The following GALNTL6 variants were observed in gnomAD, a reference collection of about 807,000 sequenced individuals.
GALNTL6 encodes polypeptide N-acetylgalactosaminyltransferase like 6, also known as polypeptide N-acetylgalactosaminyltransferase-like 6.
A neutral mutation model predicts 73.7 loss-of-function variants in GALNTL6; 46 were observed. The ratio of observed to expected loss-of-function variants is 0.62; its 90% confidence interval spans 0.49 to 0.80. The LOEUF (loss-of-function observed/expected upper bound fraction) is 0.80. GALNTL6 is among the 30% of genes least tolerant of loss of function. GALNTL6 has a pLI of 0.00. For synonymous variants in GALNTL6, 259 were observed against 263.7 expected, an observed-to-expected ratio of 0.98 and a Z score of 0.17; for missense variants, 604 against 755.0, an observed-to-expected ratio of 0.80 and a Z score of 2.34.
chr4:172,550,907 C>T (rs1324554050), intron 5 of GALNTL6, among the ~76,000 whole-genome samples: 1 of 152,182 alleles, frequency 6.6e-6, no homozygotes, highest in Non-Finnish European at 1.5e-5. Context: ...AAAAAGACTA[C>T]AGTCTGAGCC....
intron 3 of GALNTL6, among the ~76,000 whole-genome samples, chr4:172,265,422 G>C (rs1738416971): frequency 6.6e-6 from 1 of 151,988 alleles, no homozygotes; most frequent in Admixed American, 6.6e-5. Context: ...AAAAATGAAA[G>C]ACTAGACAAA....
At chr4:172,690,384 T>G (rs1333061568) in intron 5 of GALNTL6, among the ~76,000 whole-genome samples, 1 of 152,218 alleles carries the variant, frequency 6.6e-6, no homozygotes, top group African/African-American at 2.4e-5. Context: ...GTACCTCTTA[T>G]ATTTATCACA....
chr4:172,216,371 C>T (rs1736498839), intron 2 of GALNTL6, among the ~76,000 whole-genome samples: 1 of 151,340 alleles, frequency 6.6e-6, no homozygotes, highest in Admixed American at 6.6e-5. Context: ...TCATTCCAAA[C>T]TCTTTTTACT....
At chr4:172,644,162 G>A (rs940985201) in intron 5 of GALNTL6, among the ~76,000 whole-genome samples, 3 of 151,758 alleles carry the variant, frequency 2.0e-5, no homozygotes, top group Non-Finnish European at 4.4e-5. Context: ...ACAGTAAAAT[G>A]CACACATCTT....
At chr4:172,333,555 C>G (rs968322256) in intron 4 of GALNTL6, among the ~76,000 whole-genome samples, 1 of 152,182 alleles carries the variant, frequency 6.6e-6, no homozygotes, top group African/African-American at 2.4e-5. Context: ...GATGAACAGT[C>G]TGCAAATAAT....
intron 5 of GALNTL6, among the ~76,000 whole-genome samples, chr4:172,756,623 G>C (rs1323719013): frequency 6.6e-6 from 1 of 151,956 alleles, no homozygotes; most frequent in East Asian, 1.9e-4. Context: ...CTACAGCCCG[G>C]CAACAGCGTG....
At chr4:172,287,455 G>C (rs373719741) in intron 3 of GALNTL6, among the ~76,000 whole-genome samples, 1 of 152,114 alleles carries the variant, frequency 6.6e-6, no homozygotes, top group East Asian at 1.9e-4. Flanking sequence ...AATAGACACT[G>C]TTTTATTTAT....
intron 3 of GALNTL6, among the ~76,000 whole-genome samples, chr4:172,302,075 C>T (rs1739951667): frequency 6.6e-6 from 1 of 152,214 alleles, no homozygotes; most frequent in South Asian, 2.1e-4. Context: ...ATGGCGGGCA[C>T]CCCTTCCCCA....
chr4:172,541,776 G>C (rs1251078947), intron 5 of GALNTL6, among the ~76,000 whole-genome samples: 2 of 152,130 alleles, frequency 1.3e-5, no homozygotes, highest in African/African-American at 2.4e-5. Flanking sequence ...GCTCACTTGA[G>C]GCATTCTTCC....
chr4:172,477,938 A>AT (rs909983653), intron 5 of GALNTL6, among the ~76,000 whole-genome samples: 4 of 152,182 alleles, frequency 2.6e-5, no homozygotes, highest in Admixed American at 1.3e-4. Context: ...CTTCTGCATT[A>AT]TTTTTTCTAT....
chr4:171,843,164 T>C (rs989412634), intron 2 of GALNTL6, among the ~76,000 whole-genome samples: 1 of 152,160 alleles, frequency 6.6e-6, no homozygotes, highest in African/African-American at 2.4e-5. Flanking sequence ...TTTTTTATGC[T>C]AAATTTCTTG....
chr4:172,525,886 G>A (rs547765161), intron 5 of GALNTL6, among the ~76,000 whole-genome samples: 70 of 152,108 alleles, frequency 4.6e-4, no homozygotes, highest in Non-Finnish European at 1.3e-4. Flanking sequence ...TAAACAGAAT[G>A]ATGGATTGTT....
chr4:173,001,175 T>C (rs1211870523), intron 10 of GALNTL6, among the ~76,000 whole-genome samples: 1 of 152,196 alleles, frequency 6.6e-6, no homozygotes, highest in Non-Finnish European at 1.5e-5. Context: ...ATGTACTCTC[T>C]TTCACAGCCC....
At chr4:171,819,947 C>T (rs192218445) in intron 2 of GALNTL6, among the ~76,000 whole-genome samples, 9 of 152,050 alleles carry the variant, frequency 5.9e-5, no homozygotes, top group Non-Finnish European at 1.3e-4. Context: ...TGCAAGTGTG[C>T]AAAGAAATGG....
chr4:172,879,971 C>A (rs1291015202), intron 7 of GALNTL6, among the ~76,000 whole-genome samples: 1 of 151,954 alleles, frequency 6.6e-6, no homozygotes, highest in Non-Finnish European at 1.5e-5. Flanking sequence ...CACTACACAC[C>A]TATTATCATG....
At chr4:172,733,400 A>G (rs1176932895) in intron 5 of GALNTL6, among the ~76,000 whole-genome samples, 1 of 151,808 alleles carries the variant, frequency 6.6e-6, no homozygotes, top group African/African-American at 2.4e-5. Context: ...GCCTTGGGGT[A>G]TTTGATATGG....
intron 2 of GALNTL6, among the ~76,000 whole-genome samples, chr4:172,149,494 T>C (rs1734012939): frequency 6.6e-6 from 1 of 152,058 alleles, no homozygotes; most frequent in African/African-American, 2.4e-5. Flanking sequence ...AGGTGTGTCA[T>C]TGCACTCACA....
chr4:172,778,247 T>G (rs1248285312), intron 5 of GALNTL6, among the ~76,000 whole-genome samples: 1 of 152,250 alleles, frequency 6.6e-6, no homozygotes, highest in Non-Finnish European at 1.5e-5. Flanking sequence ...TTTAACAAAC[T>G]GCCAAGCACA....
intron 5 of GALNTL6, among the ~76,000 whole-genome samples, chr4:172,778,004 CACA>C (rs1458994314): frequency 6.6e-6 from 1 of 152,172 alleles, no homozygotes; most frequent in East Asian, 1.9e-4. Flanking sequence ...TATTTATTGT[CACA>C]ACAATACTAA....
Sources: allele counts gnomAD v4.1 joint callset (sites outside exome capture counted in the v4.1 genomes callset), GRCh38; gene constraint gnomAD v4.1.1; transcripts MANE v1.5; gene names NCBI Gene and HGNC (gene_info 2026-07-23, HGNC 2026-07-21).